The following ALDOC variants were observed in gnomAD, a reference collection of about 807,000 sequenced individuals.
ALDOC encodes aldolase, fructose-bisphosphate C, also known as fructose-bisphosphate aldolase C.
A neutral mutation model predicts 39.5 loss-of-function variants in ALDOC; 23 were observed. The ratio of observed to expected loss-of-function variants is 0.58; its 90% confidence interval spans 0.42 to 0.82. The LOEUF (loss-of-function observed/expected upper bound fraction) is 0.82, where lower values mean the gene tolerates loss of function less well. Ranked by LOEUF, ALDOC falls within the 40% of genes least tolerant of loss-of-function variation. The probability of loss-of-function intolerance (pLI) is 0.00; values close to 1 mark genes in which losing one functional copy is unlikely to be tolerated. For synonymous variants in ALDOC, 160 were observed against 182.6 expected, an observed-to-expected ratio of 0.88 and a Z score of 1.00; for missense variants, 356 against 479.1, an observed-to-expected ratio of 0.74 and a Z score of 2.40.
Position 28,573,817 on chromosome 17 carries a change from A to C in ALDOC, c.917T>G (p.Leu306Arg). 1 of 1,614,262 alleles carries C rather than the reference A, an allele frequency of 6.2e-7. No individual in the cohort carries two copies. The highest frequency in any genetic ancestry group is 8.5e-7 in the Non-Finnish European group (1 of 1,180,036). Residue 306 changes from leucine to arginine, a missense_variant, in exon 8 of 9, where the codon CTG becomes CGG. Coordinates refer to ENST00000226253, the MANE Select transcript of ALDOC (RefSeq NM_005165.3). The surrounding 1 kb of genome is among the most constrained non-coding windows in gnomAD (Gnocchi z 4.3). ...CCAGGCATTGAGTGCAGAGGCTTGCAGGGCACGCCCATAGGAGAAGGTAAG... is the reference window on the plus strand; with the variant it reads ...CCAGGCATTGAGTGCAGAGGCTTGCCGGGCACGCCCATAGGAGAAGGTAAG... ...WALTFSYGRALQASALNAWRG... is the reference protein window; with the variant it reads ...WALTFSYGRARQASALNAWRG...
Position 28,573,948 on chromosome 17 carries a change from G to C in ALDOC, c.800-14C>G, listed in dbSNP as rs748978825. ...GGAAGGTCACTCCTAGTGTGGAGGA[G>C]AGAAGACAAACTGACTGGTCACTCC... On this transcript the variant is annotated splice_polypyrimidine_tract_variant and intron_variant, in intron 7 of 8. Transcript: ENST00000226253. The surrounding 1 kb of genome is among the most constrained non-coding windows in gnomAD (Gnocchi z 4.3). The C allele has an allele frequency of 1.2e-6, 2 of 1,614,048 alleles. No individual in the cohort carries two copies. Among genetic ancestry groups the C allele is most frequent in the South Asian group, 1.1e-5 (1 of 91,080 alleles).
chr17:28,573,150 A>G lies in ALDOC; in HGVS notation c.*376T>C, dbSNP rs2070448867. On this transcript the variant is annotated 3_prime_UTR_variant, in exon 9 of 9. Transcript: ENST00000226253. The surrounding 1 kb of genome is among the most constrained non-coding windows in gnomAD (Gnocchi z 4.3). ...TGCTACCATTTATTTGCTGTATGGT[A>G]TGTACTCAAGGCATGAGTCAGGGCT... The G allele has an allele frequency of 6.1e-6, 2 of 328,570 alleles. No homozygotes were observed. The highest frequency in any genetic ancestry group is 3.6e-5 in the South Asian group (1 of 27,994). 20.4% of individuals were successfully genotyped at this position (328,570 alleles called of 1,614,324 possible).
rs912184206 is a variant in ALDOC at position 28,575,355 on chromosome 17, G to T, written c.113-21C>A. 1 of 1,614,216 alleles carries T rather than the reference G, an allele frequency of 6.2e-7. No individual in the cohort carries two copies. The highest frequency in any genetic ancestry group is 8.5e-7 in the Non-Finnish European group (1 of 1,180,036). On this transcript the variant is annotated intron_variant, in intron 2 of 8. Transcript: ENST00000226253. The surrounding 1 kb of genome is among the most constrained non-coding windows in gnomAD (Gnocchi z 4.3). ...GCTGCCTAGGGGCAAACAAAGAGAGGCAGTGAGAACATCCCCAGGGTCCCC... is the reference window on the plus strand; with the variant it reads ...GCTGCCTAGGGGCAAACAAAGAGAGTCAGTGAGAACATCCCCAGGGTCCCC...
At chr17:28,574,602 G>C (rs1270533268) in intron 5 of ALDOC, 25 bp from the exon 6 acceptor site, 1 of 1,613,826 alleles carries the variant, frequency 6.2e-7, no homozygotes, top group African/African-American at 1.3e-5. Flanking sequence ...AGAGATGCTT[G>C]GGAGGGGCAG....
Position 28,573,700 on chromosome 17 carries a change from G to T in ALDOC, c.999+35C>A, listed in dbSNP as rs745563858. On this transcript the variant is annotated intron_variant, in intron 8 of 8. Transcript: ENST00000226253. This position sits in a 1 kb window ranked among gnomAD's most constrained non-coding sequence, Gnocchi z 4.3. ...CCTGCCCAGGCTATAGCCTCTGGGT[G>T]CTGCCCCCACCCACCACCACCTGTA... The T allele has an allele frequency of 8.1e-6, 13 of 1,613,670 alleles. No homozygotes were observed. The African/African-American group carries it at 1.2e-4, about 15-fold the overall frequency.
Position 28,574,078 on chromosome 17 carries a change from G to A in ALDOC, c.788C>T (p.Pro263Leu). Reference protein sequence around the residue: ...TVTALRRTVPPAVPGVTFLSG... With the variant: ...TVTALRRTVPLAVPGVTFLSG... ...GAGCTGGGTAGTACCTGGGACAGCT[G>A]GGGGCACAGTGCGACGCAGGGCAGT... is the stretch of plus-strand genomic sequence containing the variant. The change falls in exon 7 of 9, where the codon CCA (proline) becomes CTA (leucine). Residue 263 changes from proline (P) to leucine (L), a missense_variant. Transcript: ENST00000226253. The A allele has an allele frequency of 6.3e-7, 1 of 1,596,980 alleles. No homozygotes were observed. Among genetic ancestry groups the A allele is most frequent in the Non-Finnish European group, 8.5e-7 (1 of 1,171,036 alleles).
Position 28,574,197 on chromosome 17 carries a change from G to A in ALDOC, c.669C>T (p.Tyr223=), listed in dbSNP as rs754322337. The change falls in exon 7 of 9, where the codon TAC becomes TAT. Residue 223 remains tyrosine, a synonymous_variant. Coordinates refer to ENST00000226253, the MANE Select transcript of ALDOC (RefSeq NM_005165.3). ...VYKALSDHHV[Y]LEGTLLKPNM... is the part of the protein sequence containing the mutation. ...TGGGCTTGAGCAGGGTCCCCTCCAGGTATACATGATGGTCACTCAGGGCCT... is the reference window on the plus strand; with the variant it reads ...TGGGCTTGAGCAGGGTCCCCTCCAGATATACATGATGGTCACTCAGGGCCT... 142 of 1,608,076 alleles carry A rather than the reference G, an allele frequency of 8.8e-5. No individual in the cohort carries two copies. Among genetic ancestry groups the A allele is most frequent in the Non-Finnish European group, 1.2e-4 (139 of 1,177,128 alleles).
chr17:28,574,844 A>C lies in ALDOC; in HGVS notation c.392T>G (p.Leu131Arg). The C allele has an allele frequency of 6.2e-7, 1 of 1,614,216 alleles. No homozygotes were observed. ...GETTTQGLDGLSERCAQYKKD... is the reference protein window; with the variant it reads ...GETTTQGLDGRSERCAQYKKD... Reference sequence around the variant, plus strand: ...CTTGTATTGGGCACAGCGTTCTGAGAGCCCATCCAGCCCTGCAAGCACAGT... The same window carrying C: ...CTTGTATTGGGCACAGCGTTCTGAGCGCCCATCCAGCCCTGCAAGCACAGT... Residue 131 changes from leucine (L) to arginine (R), a missense_variant, in exon 5 of 9, where the codon CTC becomes CGC. Transcript: ENST00000226253.
chr17:28,575,634 G>A lies in ALDOC; in HGVS notation c.-12-90C>T, dbSNP rs2070479990. Reference sequence around the variant, plus strand: ...CCAAATGGCCTCCCCATCAAGCAAGGGGCTGGGAACAGGGCAGCAGTCCTT... The same window carrying A: ...CCAAATGGCCTCCCCATCAAGCAAGAGGCTGGGAACAGGGCAGCAGTCCTT... On this transcript the variant is annotated intron_variant, in intron 1 of 8. Coordinates refer to ENST00000226253, the MANE Select transcript of ALDOC (RefSeq NM_005165.3). This position sits in a 1 kb window ranked among gnomAD's most constrained non-coding sequence, Gnocchi z 4.3. 1 of 1,485,910 alleles carries A rather than the reference G, an allele frequency of 6.7e-7. No individual in the cohort carries two copies. Among genetic ancestry groups the A allele is most frequent in the Non-Finnish European group, 9.0e-7 (1 of 1,112,264 alleles). 92.0% of individuals were successfully genotyped at this position (1,485,910 alleles called of 1,614,324 possible).
chr17:28,576,104 G>A (rs931951020), intron 1 of ALDOC: 1 of 690,256 alleles, frequency 1.4e-6, no homozygotes, highest in Non-Finnish European at 1.8e-6. Context: ...CTCCTTTTCT[G>A]TACTCCAAAC....
Position 28,573,634 on chromosome 17 carries a change from G to A in ALDOC, c.1000-13C>T. On this transcript the variant is annotated splice_polypyrimidine_tract_variant and intron_variant, in intron 8 of 8. Coordinates refer to ENST00000226253, the MANE Select transcript of ALDOC (RefSeq NM_005165.3). This position sits in a 1 kb window ranked among gnomAD's most constrained non-coding sequence, Gnocchi z 4.3. ...CAAGCCCATTCACCTGCAAAAGGGA[G>A]CGTGGAGTAAGCAGGCTGAGCCAGC... 3 of 1,614,136 alleles carry A rather than the reference G, an allele frequency of 1.9e-6. No homozygotes were observed. The highest frequency in any genetic ancestry group is 2.5e-6 in the Non-Finnish European group (3 of 1,179,980).
In ALDOC at chr17:28,574,953, T is replaced by C. The variant is rs973432574; in HGVS notation, c.378A>G (p.Gln126=). The change falls in exon 4 of 9, where the codon CAA becomes CAG. Residue 126 remains glutamine (Q), a splice_region_variant and synonymous_variant. Coordinates refer to ENST00000226253, the MANE Select transcript of ALDOC (RefSeq NM_005165.3). ...TCCTCAAGCCCACCCATCCTATACC[T>C]TGAGTGGTGGTTTCTCCATCAGTCC... The part of the protein sequence containing the change: ...LAGTDGETTT[Q]GLDGLSERCA... 1.3e-5 allele frequency: 21 copies of C among 1,614,080 alleles called. No individual in the cohort carries two copies. The highest frequency in any genetic ancestry group is 3.3e-5 in the Admixed American group (2 of 60,006).
In ALDOC at chr17:28,574,196, G is replaced by C; in HGVS notation, c.670C>G (p.Leu224Val). The C allele has an allele frequency of 6.2e-7, 1 of 1,608,294 alleles. No homozygotes were observed. Among genetic ancestry groups the C allele is most frequent in the South Asian group, 1.1e-5 (1 of 90,204 alleles). ...TTGGGCTTGAGCAGGGTCCCCTCCA[G>C]GTATACATGATGGTCACTCAGGGCC... Reference protein sequence around the residue: ...YKALSDHHVYLEGTLLKPNMV... With the variant: ...YKALSDHHVYVEGTLLKPNMV... The change falls in exon 7 of 9, where the codon CTG becomes GTG. Residue 224 changes from leucine (L) to valine (V), a missense_variant. Physicochemically the swap from Leu to Val is conservative, Grantham distance 32. Coordinates refer to ENST00000226253, the MANE Select transcript of ALDOC (RefSeq NM_005165.3).
rs769299089 is a variant in ALDOC, at chr17:28,573,702, T to C, written c.999+33A>G. On this transcript the variant is annotated intron_variant, in intron 8 of 8. Transcript: ENST00000226253. The surrounding 1 kb of genome is among the most constrained non-coding windows in gnomAD (Gnocchi z 4.3). The stretch of plus-strand genomic sequence containing the variant: ...TGCCCAGGCTATAGCCTCTGGGTGC[T>C]GCCCCCACCCACCACCACCTGTAGC... 1 of 1,613,624 alleles carries C rather than the reference T, an allele frequency of 6.2e-7. No homozygotes were observed. Among genetic ancestry groups the C allele is most frequent in the Admixed American group, 1.7e-5 (1 of 60,026 alleles).
At chr17:28,576,619 A>G (rs111291764) in intron 1 of ALDOC, among the ~76,000 whole-genome samples, 182 bp downstream of exon 1, 9 of 151,302 alleles carry the variant, frequency 5.9e-5, no homozygotes, top group South Asian at 2.1e-4. Context: ...GGAGAGCTGA[A>G]GAGGGATAGA....
At chr17:28,576,021 C>G (rs2070485077) in intron 1 of ALDOC, 2 of 1,000,718 alleles carry the variant, frequency 2.0e-6, no homozygotes, top group Non-Finnish European at 2.4e-6. Context: ...CTCTCAGCTT[C>G]TAGAGGAAAA....
rs144495937 is a variant in ALDOC at position 28,573,328 on chromosome 17, G to T, written c.*198C>A. 4 of 624,872 alleles carry T rather than the reference G, an allele frequency of 6.4e-6. No homozygotes were observed. Among genetic ancestry groups the T allele is most frequent in the Non-Finnish European group, 1.2e-5 (4 of 346,854 alleles). 38.7% of individuals were successfully genotyped at this position (624,872 alleles called of 1,614,324 possible). ...CTTCTAGCAATTTCTTCTGCCCTCA[G>T]TCATGAGGGGCTCCCTATCCTCCCA... On this transcript the variant is annotated 3_prime_UTR_variant, in exon 9 of 9. Transcript: ENST00000226253. This position sits in a 1 kb window ranked among gnomAD's most constrained non-coding sequence, Gnocchi z 4.3.
At chr17:28,576,769 T>A in intron 1 of ALDOC, 32 bp downstream of exon 1, 1 of 983,866 alleles carries the variant, frequency 1.0e-6, no homozygotes, top group African/African-American at 1.8e-5. Context: ...GAAGCGGAGA[T>A]GTTGAGTGGC....
intron 7 of ALDOC, 28 bp downstream of exon 7, chr17:28,574,039 A>T (rs1407641132): frequency 6.3e-7 from 1 of 1,597,598 alleles, no homozygotes; most frequent in African/African-American, 1.3e-5. Flanking sequence ...CCTTAGGGAT[A>T]GGAGCAGGTT....
Sources: allele counts gnomAD v4.1 joint callset (sites outside exome capture counted in the v4.1 genomes callset), GRCh38; gene constraint gnomAD v4.1.1; non-coding constraint Gnocchi (gnomAD v3.1); transcripts MANE v1.5; gene names NCBI Gene and HGNC (gene_info 2026-07-23, HGNC 2026-07-21).